Variants in DGKK observed in about 807,000 individuals in gnomAD.
DGKK encodes the protein diacylglycerol kinase kappa, also known as 142 kDa diacylglycerol kinase.
In DGKK, 35 loss-of-function variants were observed where a neutral mutation model predicts 92.2. The observed-to-expected ratio is 0.38, with a 90% CI of 0.29 to 0.50. DGKK has a LOEUF of 0.50. DGKK is among the 20% of genes least tolerant of loss of function. DGKK has a pLI of 0.92. For synonymous variants in DGKK, 368 were observed against 360.6 expected, an observed-to-expected ratio of 1.02 and a Z score of -0.23; for missense variants, 910 against 992.2, an observed-to-expected ratio of 0.92 and a Z score of 1.11.
chrX:50,379,074 T>C (rs1240501844), intron 20 of DGKK, among the ~76,000 whole-genome samples: 2 of 111,763 alleles, frequency 1.8e-5, no homozygotes, highest in African/African-American at 3.3e-5. Flanking sequence ...CCCAGCACTT[T>C]GGGAGGCCAA....
intron 8 of DGKK, among the ~76,000 whole-genome samples, chrX:50,400,544 C>T (rs1182166514): frequency 8.9e-6 from 1 of 112,228 alleles, no homozygotes; most frequent in Non-Finnish European, 1.9e-5. Flanking sequence ...TTAGATCTTT[C>T]TGTAGCCTTC....
intron 25 of DGKK, among the ~76,000 whole-genome samples, chrX:50,373,974 G>A (rs1304830673): frequency 1.8e-5 from 2 of 111,812 alleles, no homozygotes; most frequent in Non-Finnish European, 3.8e-5. Flanking sequence ...GGCACTGATA[G>A]GTACTTAATA....
At position 50,368,844 on chromosome X, in the gene DGKK, G is replaced by T; in HGVS notation, c.*96C>A. 1 of 723,920 alleles carries T rather than the reference G, an allele frequency of 1.4e-6. No homozygotes were observed. The allele number at this position is 723,920 out of a possible 1,213,427, so 59.7% of individuals were successfully genotyped here. On this transcript the variant is annotated 3_prime_UTR_variant, in exon 28 of 28. Transcript: ENST00000611977. ...GAGGGTCTTTCTTGGTGGTGCTCAT[G>T]TTTGTTCTGAAATGATTTAGTCTAG...
At chrX:50,438,997 C>A (rs1557231063) in intron 1 of DGKK, among the ~76,000 whole-genome samples, 1 of 111,576 alleles carries the variant, frequency 9.0e-6, no homozygotes, top group East Asian at 2.8e-4. Flanking sequence ...GGGTAAATCA[C>A]AAATATGTGT....
At chrX:50,439,392 G>A (rs1451481950) in intron 1 of DGKK, among the ~76,000 whole-genome samples, 1 of 111,430 alleles carries the variant, frequency 9.0e-6, no homozygotes, top group African/African-American at 3.3e-5. Flanking sequence ...AATTTTATCT[G>A]TAAAAATACA....
At chrX:50,440,973 A>G (rs782014311) in intron 1 of DGKK, among the ~76,000 whole-genome samples, 8 of 111,643 alleles carry the variant, frequency 7.2e-5, no homozygotes, top group African/African-American at 2.6e-4. Context: ...GGAACAACCC[A>G]TTTGCCTTCA....
chrX:50,379,951 C>T, intron 19 of DGKK, 30 bp downstream of exon 19: 1 of 1,171,155 alleles, frequency 8.5e-7, no homozygotes, highest in Non-Finnish European at 1.2e-6. Flanking sequence ...TTCTCCATAC[C>T]CAGGAAAGAC....
chrX:50,405,372 G>A (rs1207324088), intron 4 of DGKK, among the ~76,000 whole-genome samples: 8 of 112,008 alleles, frequency 7.1e-5, no homozygotes, highest in African/African-American at 2.6e-4. Flanking sequence ...TCCTGAGAAT[G>A]TCTGATTTTC....
chrX:50,453,881 G>C (rs1557232645), intron 1 of DGKK, among the ~76,000 whole-genome samples: 1 of 110,070 alleles, frequency 9.1e-6, no homozygotes, highest in South Asian at 4.0e-4. Flanking sequence ...GAGTTGCAGA[G>C]TGGAGAGAAA....
intron 8 of DGKK, among the ~76,000 whole-genome samples, chrX:50,397,858 A>G (rs1334191105): frequency 1.8e-5 from 2 of 111,377 alleles, no homozygotes; most frequent in African/African-American, 6.5e-5. Context: ...GAAGATGGAC[A>G]CCATTATAAT....
chrX:50,384,238 T>C lies in DGKK; in HGVS notation c.2479A>G (p.Ile827Val), dbSNP rs782659693. ...AGGTCCTCACTTTTGAGAGAAGATA[T>C]AGAAGACAAAGTGCCACGACGAGAA... The part of the protein sequence containing the change: ...RRSRRGTLSS[I>V]SSLKSEDLDN... The change falls in exon 17 of 28, where the codon ATA (isoleucine) becomes GTA (valine). Residue 827 changes from isoleucine (I) to valine (V), a missense_variant. Transcript: ENST00000611977. The C allele has an allele frequency of 4.2e-6, 5 of 1,177,823 alleles. No individual in the cohort carries two copies. The South Asian group carries it at 7.6e-5, about 18-fold the overall frequency.
chrX:50,385,112 A>C (rs1924513559), intron 15 of DGKK, among the ~76,000 whole-genome samples: 1 of 111,396 alleles, frequency 9.0e-6, no homozygotes. Context: ...TCTCTCACCC[A>C]GTACATGTGG....
chrX:50,373,699 C>A lies in DGKK; in HGVS notation c.3501+1272G>T, dbSNP rs1184443959. Among the ~76,000 whole-genome samples, 5 of 112,124 alleles carry A rather than the reference C, an allele frequency of 4.5e-5. No individual in the cohort carries two copies. The Admixed American group carries it at 4.7e-4, about 11-fold the overall frequency. ...CAAATGAAAAGAGGAAATAGATGCA[C>A]TTCTGCAATATCAACTCTGAAGCCC... On this transcript the variant is annotated intron_variant, in intron 25 of 27. Transcript: ENST00000611977.
At chrX:50,387,244 C>T (rs782344367) in intron 14 of DGKK, among the ~76,000 whole-genome samples, 3 of 111,982 alleles carry the variant, frequency 2.7e-5, no homozygotes, top group East Asian at 2.8e-4. Context: ...AGTGTGTATT[C>T]GTATGTACAT....
chrX:50,436,423 T>C (rs1378129439), intron 1 of DGKK, among the ~76,000 whole-genome samples: 2 of 111,967 alleles, frequency 1.8e-5, no homozygotes, highest in African/African-American at 3.2e-5. Flanking sequence ...CACAAGGACA[T>C]GAATAACTAG....
intron 20 of DGKK, 65 bp downstream of exon 20, chrX:50,379,562 T>G (rs1557224206): frequency 2.1e-6 from 2 of 954,605 alleles, no homozygotes; most frequent in Non-Finnish European, 3.0e-6. Context: ...AGCACAATGC[T>G]TCCTTCAGAG....
At chrX:50,381,107 T>G (rs1924402374) in intron 18 of DGKK, among the ~76,000 whole-genome samples, 1 of 111,555 alleles carries the variant, frequency 9.0e-6, no homozygotes, top group Non-Finnish European at 1.9e-5. Flanking sequence ...ACCCTTGCAT[T>G]TGTGGTCAAT....
chrX:50,459,946 A>G, intron 1 of DGKK, among the ~76,000 whole-genome samples: 1 of 112,611 alleles, frequency 8.9e-6, no homozygotes. Flanking sequence ...ATAAAGCTAC[A>G]TCATATTTTC....
chrX:50,404,445 CTT>C (rs781970634), intron 4 of DGKK, among the ~76,000 whole-genome samples: 25 of 90,842 alleles, frequency 2.8e-4, no homozygotes, highest in Admixed American at 3.6e-4. Flanking sequence ...GAGTAATTAT[CTT>C]TTTTTTTTTT....
Sources: allele counts gnomAD v4.1 joint callset (sites outside exome capture counted in the v4.1 genomes callset), GRCh38; gene constraint gnomAD v4.1.1; transcripts MANE v1.5; gene names NCBI Gene and HGNC (gene_info 2026-07-23, HGNC 2026-07-21).